EPHA6: variants seen among roughly 807,000 people sequenced by gnomAD.
EPHA6 encodes the protein EPH receptor A6.
EPHA6 carries 50 observed loss-of-function variants against 112.0 expected under a neutral mutation model. That is an observed-to-expected ratio of 0.45 (90% confidence interval 0.36 to 0.56). EPHA6 has a LOEUF of 0.56. Among genes scored for constraint, EPHA6 ranks in the 20% least tolerant of loss-of-function variants. EPHA6 has a pLI of 0.00. For missense variants in EPHA6, 1,280 were observed against 1,417.4 expected, an observed-to-expected ratio of 0.90 and a Z score of 1.56; for synonymous variants, 529 against 490.7, an observed-to-expected ratio of 1.08 and a Z score of -1.03.
In EPHA6 at chr3:97,556,000, T is replaced by C. The variant is rs576541787; in HGVS notation, c.2386+23457T>C. Among the ~76,000 whole-genome samples, 3 of 152,114 alleles carry C rather than the reference T, an allele frequency of 2.0e-5. No individual in the cohort carries two copies. The East Asian group carries it at 5.8e-4, about 29-fold the overall frequency. On this transcript the variant is annotated intron_variant, in intron 11 of 17. Coordinates refer to ENST00000389672, the MANE Select transcript of EPHA6 (RefSeq NM_001080448.3). ...GCTCATAGGTCCCAAACCACCTCCT[T>C]TACTGAGCTCTAATACACCAAGCTA... is the stretch of plus-strand genomic sequence containing the variant.
intron 3 of EPHA6, among the ~76,000 whole-genome samples, chr3:97,163,671 C>T (rs1025104785): frequency 2.0e-5 from 3 of 152,114 alleles, no homozygotes; most frequent in Non-Finnish European, 4.4e-5. Context: ...CCATTACAGT[C>T]TCCACAGGCA....
At chr3:97,691,659 A>C (rs2107709323) in intron 14 of EPHA6, among the ~76,000 whole-genome samples, 1 of 152,324 alleles carries the variant, frequency 6.6e-6, no homozygotes, top group Non-Finnish European at 1.5e-5. Context: ...CTTAAGGAAA[A>C]GTATATTTTT....
chr3:97,743,860 A>T (rs1414105866), intron 16 of EPHA6, among the ~76,000 whole-genome samples: 2 of 152,000 alleles, frequency 1.3e-5, no homozygotes, highest in Non-Finnish European at 2.9e-5. Context: ...AATATAAAAC[A>T]TGGAAAACTT....
rs76012388 is a variant in EPHA6 at position 97,547,337 on chromosome 3, C to G, written c.2386+14794C>G. ...GAGTTTGCTAGAGGTCCACTCCAGA[C>G]CCTGTCTCCCTGGGTTTCAGCAGCG... On this transcript the variant is annotated intron_variant, in intron 11 of 17. Transcript: ENST00000389672. Among the ~76,000 whole-genome samples the G allele has an allele frequency of 5.3e-3, 802 of 152,318 alleles. 7 individuals carry two copies. Among genetic ancestry groups the G allele is most frequent in the African/African-American group, 0.018 (732 of 41,588 alleles).
intron 7 of EPHA6, among the ~76,000 whole-genome samples, chr3:97,449,116 A>G (rs892700027): frequency 2.6e-5 from 4 of 152,138 alleles, no homozygotes; most frequent in African/African-American, 9.7e-5. Context: ...CAGTCAATAA[A>G]AATAGTGGTC....
chr3:97,505,668 T>G (rs1440959389), intron 10 of EPHA6, among the ~76,000 whole-genome samples: 1 of 152,192 alleles, frequency 6.6e-6, no homozygotes, highest in Non-Finnish European at 1.5e-5. Context: ...GGTGTCTTTA[T>G]AGTAGAATGA....
chr3:97,648,697 T>C (rs2094085809), intron 14 of EPHA6: 1 of 993,204 alleles, frequency 1.0e-6, no homozygotes, highest in Non-Finnish European at 1.2e-6. Context: ...AATTAAAGAG[T>C]TGGTGTAAAA....
chr3:97,068,472 T>C (rs918272397), intron 3 of EPHA6, among the ~76,000 whole-genome samples: 6 of 152,058 alleles, frequency 3.9e-5, no homozygotes, highest in African/African-American at 1.4e-4. Flanking sequence ...AAGAAGAGAA[T>C]AGTCAGCAAG....
chr3:97,067,802 T>C (rs767673869), intron 3 of EPHA6, among the ~76,000 whole-genome samples: 6 of 151,942 alleles, frequency 3.9e-5, no homozygotes, highest in Non-Finnish European at 5.9e-5. Context: ...GCAGGCTGAT[T>C]ACTGACGTGT....
intron 16 of EPHA6, among the ~76,000 whole-genome samples, chr3:97,746,849 G>A (rs921256695): frequency 2.0e-5 from 3 of 151,876 alleles, no homozygotes; most frequent in African/African-American, 7.2e-5. Context: ...TGAACTCTGT[G>A]ACAATAAAAA....
intron 1 of EPHA6, among the ~76,000 whole-genome samples, chr3:96,829,673 C>G (rs2033894451): frequency 2.0e-5 from 3 of 151,974 alleles, no homozygotes; most frequent in African/African-American, 7.2e-5. Context: ...CTTTCAGTCC[C>G]AAGTGGAAAT....
At chr3:97,169,457 T>C (rs1329887925) in intron 3 of EPHA6, among the ~76,000 whole-genome samples, 1 of 152,146 alleles carries the variant, frequency 6.6e-6, no homozygotes, top group East Asian at 1.9e-4. Flanking sequence ...CTTCTTATCC[T>C]TCTCCCTTCC....
intron 5 of EPHA6, among the ~76,000 whole-genome samples, chr3:97,335,706 A>G (rs969124593): frequency 6.6e-6 from 1 of 152,168 alleles, no homozygotes; most frequent in African/African-American, 2.4e-5. Flanking sequence ...CACTGCCTAG[A>G]CAGAGCCAAT....
At chr3:97,640,149 A>G (rs2107566068) in intron 14 of EPHA6, among the ~76,000 whole-genome samples, 1 of 152,344 alleles carries the variant, frequency 6.6e-6, no homozygotes, top group South Asian at 2.1e-4. Context: ...CTACAGAAGT[A>G]CCAAAAAGCA....
intron 5 of EPHA6, among the ~76,000 whole-genome samples, chr3:97,272,337 T>G (rs2079913912): frequency 6.6e-6 from 1 of 150,672 alleles, no homozygotes; most frequent in African/African-American, 2.4e-5. Context: ...TGTGTGTACA[T>G]ACATATGCAC....
chr3:97,240,206 T>A (rs2078803574), intron 4 of EPHA6, among the ~76,000 whole-genome samples: 1 of 151,852 alleles, frequency 6.6e-6, no homozygotes, highest in Non-Finnish European at 1.5e-5. Flanking sequence ...TCAGTGAACA[T>A]GATATTCACT....
At chr3:97,390,827 G>A (rs2086356096) in intron 5 of EPHA6, among the ~76,000 whole-genome samples, 1 of 151,994 alleles carries the variant, frequency 6.6e-6, no homozygotes, top group Admixed American at 6.6e-5. Context: ...GAAAGAATGG[G>A]TTTAGAATTA....
intron 14 of EPHA6, among the ~76,000 whole-genome samples, chr3:97,662,063 T>C (rs1304944522): frequency 6.6e-6 from 1 of 152,172 alleles, no homozygotes; most frequent in Non-Finnish European, 1.5e-5. Context: ...TTATAGGTCC[T>C]AGTGACCCTT....
At chr3:97,228,219 G>C (rs1030125623) in intron 4 of EPHA6, among the ~76,000 whole-genome samples, 32 of 151,904 alleles carry the variant, frequency 2.1e-4, no homozygotes, top group Non-Finnish European at 4.1e-4. Flanking sequence ...TGGTTGCATG[G>C]GGGAAGTTCT....
Sources: allele counts gnomAD v4.1 joint callset (sites outside exome capture counted in the v4.1 genomes callset), GRCh38; gene constraint gnomAD v4.1.1; transcripts MANE v1.5; gene names NCBI Gene and HGNC (gene_info 2026-07-23, HGNC 2026-07-21).